The following NFIB variants were observed in gnomAD, a reference collection of about 807,000 sequenced individuals.
The protein encoded by NFIB is nuclear factor 1 B-type.
A neutral mutation model predicts 61.5 loss-of-function variants in NFIB; 11 were observed. That is an observed-to-expected ratio of 0.18 (90% CI 0.11 to 0.30). The LOEUF (loss-of-function observed/expected upper bound fraction) is 0.30. NFIB is among the 10% of genes least tolerant of loss of function. NFIB has a pLI of 1.00. For missense variants in NFIB, 471 were observed against 608.9 expected (o/e 0.77, Z 2.38); for synonymous variants, 260 against 216.5 (o/e 1.20, Z -1.76).
chr9:14,289,114 G>A (rs1047630779), intron 2 of NFIB, among the ~76,000 whole-genome samples: 2 of 139,748 alleles, frequency 1.4e-5, no homozygotes, highest in Non-Finnish European at 3.1e-5. Flanking sequence ...GTATGTGTGT[G>A]TGTATATGTA....
At chr9:14,501,645 C>G in the NFIB span, among the ~76,000 whole-genome samples, 3 of 152,010 alleles carry the variant, frequency 2.0e-5, no homozygotes, top group East Asian at 5.8e-4. Flanking sequence ...GTGGCCAGGG[C>G]CCCCTCATTC....
chr9:14,116,302 G>T lies in NFIB; in HGVS notation c.1290C>A (p.Phe430Leu). The T allele has an allele frequency of 1.3e-6, 2 of 1,538,382 alleles. No individual in the cohort carries two copies. The highest frequency in any genetic ancestry group is 1.8e-6 in the Non-Finnish European group (2 of 1,140,538). The change falls in exon 9 of 11, where the codon TTC becomes TTA. Residue 430 changes from phenylalanine to leucine, a missense_variant. Phe to Leu is a conservative substitution (Grantham distance 22). Transcript: ENST00000380953. ...GQVVGKVPGHFTPVLAPSPHP... is the reference protein window; with the variant it reads ...GQVVGKVPGHLTPVLAPSPHP... The stretch of plus-strand genomic sequence containing the variant: ...GGGGAGAGGGTGCCAAGACAGGAGT[G>T]AAATGGCCAGGCACTTTCCCTACTA...
At chr9:14,506,114 G>A in the NFIB span, among the ~76,000 whole-genome samples, 1 of 152,142 alleles carries the variant, frequency 6.6e-6, no homozygotes, top group South Asian at 2.1e-4. Context: ...GAAGTTTGTG[G>A]TATTTATTAA....
intron 1 of NFIB, among the ~76,000 whole-genome samples, chr9:14,380,475 T>G (rs1036374326): frequency 6.6e-6 from 1 of 152,242 alleles, no homozygotes; most frequent in African/African-American, 2.4e-5. Context: ...TCATTCACTT[T>G]GCATCAATTC....
chr9:14,231,446 C>CCCAAT (rs1487198898), intron 2 of NFIB, among the ~76,000 whole-genome samples: 1 of 151,948 alleles, frequency 6.6e-6, no homozygotes, highest in East Asian at 1.9e-4. Flanking sequence ...AAGCAGGAAG[C>CCCAAT]CCAATCCTGC....
chr9:14,427,944 T>TTTTTTTTTGTTG, the NFIB span, among the ~76,000 whole-genome samples: 5 of 83,182 alleles, frequency 6.0e-5, no homozygotes, highest in Non-Finnish European at 9.0e-5. Flanking sequence ...GTTGTTTTTT[T>TTTTTTTTTGTTG]TTTTTTTTTT....
the NFIB span, among the ~76,000 whole-genome samples, chr9:14,437,482 A>G: frequency 6.6e-6 from 1 of 152,206 alleles, no homozygotes; most frequent in Non-Finnish European, 1.5e-5. Flanking sequence ...ATTCATCCCC[A>G]AAGATTGTTG....
chr9:14,128,178 T>C (rs2039929657), intron 6 of NFIB, among the ~76,000 whole-genome samples: 1 of 152,080 alleles, frequency 6.6e-6, no homozygotes, highest in Admixed American at 6.6e-5. Context: ...TATTAAGAGG[T>C]GGAAAGAACC....
At chr9:14,498,816 T>G in the NFIB span, among the ~76,000 whole-genome samples, 1 of 69,036 alleles carries the variant, frequency 1.4e-5, no homozygotes, top group Non-Finnish European at 2.5e-5. Context: ...CCTTCCTCCC[T>G]TCCTCCCTTC....
At chr9:14,374,188 G>A (rs73419639) in intron 1 of NFIB, among the ~76,000 whole-genome samples, 1 of 152,070 alleles carries the variant, frequency 6.6e-6, no homozygotes, top group African/African-American at 2.4e-5. Flanking sequence ...TTAAAAATAC[G>A]GTTCTTATTT....
chr9:14,467,253 T>A, the NFIB span, among the ~76,000 whole-genome samples: 36 of 152,310 alleles, frequency 2.4e-4, no homozygotes, highest in African/African-American at 8.7e-4. Context: ...AGAACTGGCT[T>A]CATTTTAATC....
intron 2 of NFIB, among the ~76,000 whole-genome samples, chr9:14,236,467 G>T (rs1233265765): frequency 6.6e-6 from 1 of 152,172 alleles, no homozygotes; most frequent in Non-Finnish European, 1.5e-5. Context: ...CCACGGGTGT[G>T]AGTGAGGGGT....
At chr9:14,242,769 T>C (rs189401910) in intron 2 of NFIB, among the ~76,000 whole-genome samples, 143 of 152,304 alleles carry the variant, frequency 9.4e-4, no homozygotes, top group Non-Finnish European at 1.8e-3. Context: ...CCTGGCTCCA[T>C]AGGAATGCTT....
At chr9:14,380,905 C>T (rs1355375116) in intron 1 of NFIB, among the ~76,000 whole-genome samples, 2 of 151,832 alleles carry the variant, frequency 1.3e-5, no homozygotes, top group East Asian at 3.9e-4. Flanking sequence ...CTCATCTGTT[C>T]TTCCAGCACT....
upstream of NFIB, among the ~76,000 whole-genome samples, chr9:14,400,673 G>T (rs1588425842): frequency 6.6e-6 from 1 of 152,072 alleles, no homozygotes; most frequent in Non-Finnish European, 1.5e-5. Context: ...CCAAGCAGGA[G>T]GCCTCCATCT....
At chr9:14,526,514 T>C in the NFIB span, among the ~76,000 whole-genome samples, 2 of 152,212 alleles carry the variant, frequency 1.3e-5, no homozygotes, top group East Asian at 1.9e-4. Context: ...AAAAGAACTT[T>C]TGCACTGAAT....
chr9:14,468,009 G>A, the NFIB span, among the ~76,000 whole-genome samples: 11 of 152,310 alleles, frequency 7.2e-5, no homozygotes, highest in African/African-American at 2.6e-4. Context: ...TTTACTCAAG[G>A]AAGAGTAATC....
At chr9:14,243,404 A>C (rs1346367268) in intron 2 of NFIB, among the ~76,000 whole-genome samples, 1 of 152,192 alleles carries the variant, frequency 6.6e-6, no homozygotes, top group Non-Finnish European at 1.5e-5. Context: ...TGGATAAGTA[A>C]GAGAAATAAA....
At chr9:14,129,332 C>G (rs1246770417) in intron 6 of NFIB, among the ~76,000 whole-genome samples, 1 of 146,714 alleles carries the variant, frequency 6.8e-6, no homozygotes, top group Non-Finnish European at 1.5e-5. Flanking sequence ...TGCTACACAG[C>G]ATGCAGAAGG....
Sources: gnomAD v4.1 joint callset for allele counts (sites outside exome capture counted in the v4.1 genomes callset) on GRCh38, gnomAD v4.1.1 for gene constraint, MANE v1.5 for transcripts, NCBI Gene and HGNC (gene_info 2026-07-23, HGNC 2026-07-21) for gene names.